Variants in HS3ST4 observed in about 807,000 individuals in gnomAD.
The protein encoded by HS3ST4 is heparan sulfate glucosamine 3-O-sulfotransferase 4.
In HS3ST4, 17 loss-of-function variants were observed where a neutral mutation model predicts 29.2. The ratio of observed to expected loss-of-function variants is 0.58; its 90% CI spans 0.40 to 0.87. The LOEUF (loss-of-function observed/expected upper bound fraction) is 0.87. HS3ST4 is among the 40% of genes least tolerant of loss of function. The pLI is 0.00. For synonymous variants in HS3ST4, 314 were observed against 285.7 expected (o/e 1.10, Z -1.00); for missense variants, 627 against 634.5 (o/e 0.99, Z 0.13).
At chr16:26,130,151 G>C (rs1008427660) in intron 1 of HS3ST4, among the ~76,000 whole-genome samples, 1 of 152,218 alleles carries the variant, frequency 6.6e-6, no homozygotes. Flanking sequence ...GAGAGCAGAT[G>C]TGTGATCTTG....
chr16:25,924,906 C>T (rs1968387934), intron 1 of HS3ST4, among the ~76,000 whole-genome samples: 1 of 152,086 alleles, frequency 6.6e-6, no homozygotes, highest in Admixed American at 6.5e-5. Context: ...TTTGGGCTAG[C>T]CACTCTCTGA....
In HS3ST4 at chr16:25,789,093, G is replaced by A. The variant is rs564142330; in HGVS notation, c.734+95942G>A. Among the ~76,000 whole-genome samples the A allele has an allele frequency of 2.0e-5, 3 of 152,232 alleles. No homozygotes were observed. In the East Asian group the frequency reaches 5.8e-4, roughly 29 times the overall value. On this transcript the variant is annotated intron_variant, in intron 1 of 1. Transcript: ENST00000331351. ...AGGCCTGGGTCATGTGGGGCTGGAA[G>A]TCAATTTTACCTCAGCTTCCTCGTC...
rs140206071 is a variant in HS3ST4, at chr16:25,993,547, C to T, written c.735-142065C>T. Among the ~76,000 whole-genome samples, 7 of 152,002 alleles carry T rather than the reference C, an allele frequency of 4.6e-5. No individual in the cohort carries two copies. In the East Asian group the frequency reaches 1.2e-3, roughly 25 times the overall value. The stretch of plus-strand genomic sequence containing the variant: ...AAGACTGGAATTCCTATCTAAGCTC[C>T]ACTTTTACTTACTGTGAGACCTGGG... On this transcript the variant is annotated intron_variant, in intron 1 of 1. Coordinates refer to ENST00000331351, the MANE Select transcript of HS3ST4 (RefSeq NM_006040.3).
At chr16:25,763,953 G>T (rs1207110769) in intron 1 of HS3ST4, among the ~76,000 whole-genome samples, 2 of 152,174 alleles carry the variant, frequency 1.3e-5, no homozygotes, top group East Asian at 3.8e-4. Flanking sequence ...TGTAGGTTGT[G>T]GCCTGCACTG....
chr16:26,014,914 G>T (rs916654847), intron 1 of HS3ST4, among the ~76,000 whole-genome samples: 1 of 152,272 alleles, frequency 6.6e-6, no homozygotes, highest in Non-Finnish European at 1.5e-5. Flanking sequence ...CACCTTTGTG[G>T]TTAAATATTT....
At chr16:26,085,820 G>A (rs1032877887) in intron 1 of HS3ST4, among the ~76,000 whole-genome samples, 3 of 151,626 alleles carry the variant, frequency 2.0e-5, no homozygotes, top group African/African-American at 7.3e-5. Flanking sequence ...GCTGCAGTGA[G>A]CTATGATTGT....
intron 1 of HS3ST4, among the ~76,000 whole-genome samples, chr16:25,910,066 A>G (rs921169209): frequency 6.6e-5 from 10 of 152,228 alleles, no homozygotes; most frequent in Non-Finnish European, 1.2e-4. Context: ...GAAGGCATCA[A>G]TCAGATATAG....
At chr16:26,114,394 C>T (rs958840884) in intron 1 of HS3ST4, among the ~76,000 whole-genome samples, 1 of 152,126 alleles carries the variant, frequency 6.6e-6, no homozygotes, top group Non-Finnish European at 1.5e-5. Flanking sequence ...TCTACTTGTT[C>T]CCAGTGCTGC....
intron 1 of HS3ST4, among the ~76,000 whole-genome samples, chr16:25,975,453 T>C (rs1968935303): frequency 6.6e-6 from 1 of 152,040 alleles, no homozygotes; most frequent in African/African-American, 2.4e-5. Flanking sequence ...CAAAAGAAAA[T>C]AAGTGTCTGG....
intron 1 of HS3ST4, among the ~76,000 whole-genome samples, chr16:25,883,008 GA>G (rs1310663884): frequency 6.6e-6 from 1 of 152,132 alleles, no homozygotes; most frequent in Non-Finnish European, 1.5e-5. Flanking sequence ...CTTGAGATGT[GA>G]AAAGAAGCTC....
chr16:26,135,825 C>T lies in HS3ST4; in HGVS notation c.948C>T (p.Phe316=). The change falls in exon 2 of 2, where the codon TTC becomes TTT. Residue 316 remains phenylalanine, a synonymous_variant. Coordinates refer to ENST00000331351, the MANE Select transcript of HS3ST4 (RefSeq NM_006040.3). The part of the protein sequence containing the change: ...PEIPTFEVLA[F]KNRTLGLIDA... ...TCCCCACCTTTGAGGTGCTGGCCTT[C>T]AAAAACCGGACCCTCGGGCTGATCG... The T allele has an allele frequency of 2.5e-6, 4 of 1,614,024 alleles. No homozygotes were observed. The highest frequency in any genetic ancestry group is 3.4e-6 in the Non-Finnish European group (4 of 1,179,900).
chr16:25,895,938 G>A (rs1236485100), intron 1 of HS3ST4, among the ~76,000 whole-genome samples: 1 of 152,152 alleles, frequency 6.6e-6, no homozygotes, highest in African/African-American at 2.4e-5. Flanking sequence ...CAAGGGGACA[G>A]AAGGCTGGGG....
chr16:25,842,896 T>C (rs1254620565), intron 1 of HS3ST4, among the ~76,000 whole-genome samples: 2 of 152,166 alleles, frequency 1.3e-5, no homozygotes, highest in Non-Finnish European at 2.9e-5. Context: ...ATGAGGGCAA[T>C]AATACTGGCT....
intron 1 of HS3ST4, among the ~76,000 whole-genome samples, chr16:26,003,022 A>G (rs1969226159): frequency 6.6e-6 from 1 of 151,464 alleles, no homozygotes; most frequent in Non-Finnish European, 1.5e-5. Context: ...ATCCTCAAAT[A>G]GTTTTGACAC....
intron 1 of HS3ST4, among the ~76,000 whole-genome samples, chr16:25,708,578 A>G (rs1266161410): frequency 6.6e-6 from 1 of 152,198 alleles, no homozygotes; most frequent in African/African-American, 2.4e-5. Flanking sequence ...ATTAATATTA[A>G]GAAATATTAT....
At chr16:25,851,387 C>T (rs542822409) in intron 1 of HS3ST4, among the ~76,000 whole-genome samples, 5 of 152,302 alleles carry the variant, frequency 3.3e-5, no homozygotes, top group South Asian at 2.1e-4. Context: ...TATTACAGAG[C>T]GGGCTCTTTG....
intron 1 of HS3ST4, among the ~76,000 whole-genome samples, chr16:25,870,330 T>C (rs1967737167): frequency 6.6e-6 from 1 of 152,138 alleles, no homozygotes; most frequent in Non-Finnish European, 1.5e-5. Context: ...TAGTTAAGGA[T>C]GGATGGACAA....
At chr16:26,038,607 A>T (rs1258871686) in intron 1 of HS3ST4, among the ~76,000 whole-genome samples, 1 of 151,982 alleles carries the variant, frequency 6.6e-6, no homozygotes, top group African/African-American at 2.4e-5. Context: ...TCTACCTAGG[A>T]TGACAGCATC....
At chr16:25,819,450 C>T (rs1192031096) in intron 1 of HS3ST4, among the ~76,000 whole-genome samples, 2 of 152,130 alleles carry the variant, frequency 1.3e-5, no homozygotes, top group African/African-American at 4.8e-5. Context: ...TCACAGATTT[C>T]CCCCTGGAAG....
Sources: allele counts gnomAD v4.1 joint callset (sites outside exome capture counted in the v4.1 genomes callset), GRCh38; gene constraint gnomAD v4.1.1; transcripts MANE v1.5; gene names NCBI Gene and HGNC (gene_info 2026-07-23, HGNC 2026-07-21).